Variants in RIMS4 observed in about 807,000 individuals in gnomAD.
RIMS4 encodes the protein regulating synaptic membrane exocytosis protein 4.
In RIMS4, 9 loss-of-function variants were observed where a neutral mutation model predicts 29.0. The ratio of observed to expected loss-of-function variants is 0.31; its 90% confidence interval spans 0.19 to 0.54. The LOEUF (loss-of-function observed/expected upper bound fraction) is 0.54, where lower values mean the gene tolerates loss of function less well. Among genes scored for constraint, RIMS4 ranks in the 20% least tolerant of loss-of-function variants. The pLI is 0.94. For synonymous variants in RIMS4, 130 were observed against 152.9 expected (o/e 0.85, Z 1.10); for missense variants, 193 against 365.7 (o/e 0.53, Z 3.85).
rs116628310 is a variant in RIMS4, at chr20:44,790,392, T to C, written c.98-18979A>G. On this transcript the variant is annotated intron_variant, in intron 1 of 5. Coordinates refer to ENST00000372851, the MANE Select transcript of RIMS4 (RefSeq NM_182970.4). ...CACCTGTGGTCCCATAGACCCCTCC[T>C]CCCAGGCTACCTCCTCCCCAGGCTC... 3.0e-3 allele frequency among the ~76,000 whole-genome samples: 450 copies of C among 152,270 alleles called. 1 individual carries two copies. The highest frequency in any genetic ancestry group is 0.01 in the African/African-American group (431 of 41,572).
Position 44,756,767 on chromosome 20 carries a change from G to A in RIMS4, c.591+131C>T, listed in dbSNP as rs1239676217. On this transcript the variant is annotated intron_variant, in intron 5 of 5. Transcript: ENST00000372851. This position sits in a 1 kb window ranked among gnomAD's most constrained non-coding sequence, Gnocchi z 5.9. ...GCTCAGTTCAGCCACAGTGAACTGA[G>A]GGCCTCGCCTGTTTCCTCCAGGCGA... The A allele has an allele frequency of 1.3e-6, 1 of 741,256 alleles. No individual in the cohort carries two copies. Among genetic ancestry groups the A allele is most frequent in the Non-Finnish European group, 2.1e-6 (1 of 467,424 alleles). The allele number at this position is 741,256 out of a possible 1,614,324, so 45.9% of individuals were successfully genotyped here. A position where few individuals can be genotyped will look rare whatever the true frequency, so the allele number is the denominator to read the frequency against.
chr20:44,769,608 A>G (rs2066127957), intron 2 of RIMS4, among the ~76,000 whole-genome samples: 1 of 152,210 alleles, frequency 6.6e-6, no homozygotes, highest in Admixed American at 6.5e-5. Flanking sequence ...CAGGTTAAAG[A>G]AAACACTGGC....
chr20:44,774,376 TG>T (rs1459532063), intron 1 of RIMS4, among the ~76,000 whole-genome samples: 2 of 152,142 alleles, frequency 1.3e-5, no homozygotes, highest in Admixed American at 6.5e-5. Context: ...GTCAGTGGAC[TG>T]GGAAAGGCAG....
Position 44,756,715 on chromosome 20 carries a change from G to C in RIMS4, c.591+183C>G, listed in dbSNP as rs1285297299. 1.3e-5 allele frequency among the ~76,000 whole-genome samples: 2 copies of C among 152,102 alleles called. No homozygotes were observed. Among genetic ancestry groups the C allele is most frequent in the Admixed American group, 1.3e-4 (2 of 15,280 alleles). The stretch of plus-strand genomic sequence containing the variant: ...GGAACTGAGGGTCAGAAGGGAACTT[G>C]TTCAAAGTTGTGCAGTAAGTTGTGG... On this transcript the variant is annotated intron_variant, in intron 5 of 5. Coordinates refer to ENST00000372851, the MANE Select transcript of RIMS4 (RefSeq NM_182970.4). The surrounding 1 kb of genome is among the most constrained non-coding windows in gnomAD (Gnocchi z 5.9).
intron 4 of RIMS4, among the ~76,000 whole-genome samples, chr20:44,757,279 C>T (rs1048253882): frequency 1.3e-5 from 2 of 152,048 alleles, no homozygotes; most frequent in South Asian, 2.1e-4. Flanking sequence ...CCTTTGCTCA[C>T]TCTGTGCTCA....
Position 44,755,287 on chromosome 20 carries a change from C to G in RIMS4, c.*847G>C, listed in dbSNP as rs1316186105. 1.3e-5 allele frequency: 2 copies of G among 152,446 alleles called. No homozygotes were observed. The highest frequency in any genetic ancestry group is 2.9e-5 in the Non-Finnish European group (2 of 68,064). The allele number at this position is 152,446 out of a possible 1,614,324, so 9.4% of individuals were successfully genotyped here. ...TCCCAATCCCAACTTTCCTTAGCCTCCCCCTCCAATACAGCACCCCCAAAT... is the reference window on the plus strand; with the variant it reads ...TCCCAATCCCAACTTTCCTTAGCCTGCCCCTCCAATACAGCACCCCCAAAT... On this transcript the variant is annotated 3_prime_UTR_variant, in exon 6 of 6. Coordinates refer to ENST00000372851, the MANE Select transcript of RIMS4 (RefSeq NM_182970.4).
At chr20:44,790,353 T>C (rs142315944) in intron 1 of RIMS4, among the ~76,000 whole-genome samples, 1 of 152,318 alleles carries the variant, frequency 6.6e-6, no homozygotes, top group East Asian at 1.9e-4. Flanking sequence ...GGCCAGGCAC[T>C]GTGCCAAGCA....
At chr20:44,767,396 A>G (rs1224758233) in intron 2 of RIMS4, among the ~76,000 whole-genome samples, 2 of 152,080 alleles carry the variant, frequency 1.3e-5, no homozygotes, top group South Asian at 2.1e-4. Context: ...CAGAGCTCCA[A>G]TTTCTGATCA....
At chr20:44,765,336 C>T (rs972591755) in intron 2 of RIMS4, among the ~76,000 whole-genome samples, 2 of 152,204 alleles carry the variant, frequency 1.3e-5, no homozygotes, top group Non-Finnish European at 2.9e-5. Flanking sequence ...GACTCCACCA[C>T]TCACTAGTCG....
chr20:44,765,140 A>G (rs989428161), intron 2 of RIMS4, among the ~76,000 whole-genome samples: 4 of 152,152 alleles, frequency 2.6e-5, no homozygotes, highest in African/African-American at 9.7e-5. Flanking sequence ...TTGAACCAAA[A>G]TCACTCTGCT....
intron 1 of RIMS4, among the ~76,000 whole-genome samples, chr20:44,785,530 C>T (rs141551789): frequency 5.6e-4 from 85 of 152,234 alleles, no homozygotes; most frequent in African/African-American, 1.9e-3. Flanking sequence ...GCCATTCTTT[C>T]GCATACACAA....
intron 1 of RIMS4, among the ~76,000 whole-genome samples, chr20:44,774,216 TGA>T (rs2066149840): frequency 6.6e-6 from 1 of 152,086 alleles, no homozygotes; most frequent in South Asian, 2.1e-4. Context: ...CCCACGTGGC[TGA>T]GATGTGTTCC....
chr20:44,785,589 A>C (rs1192928637), intron 1 of RIMS4, among the ~76,000 whole-genome samples: 1 of 152,134 alleles, frequency 6.6e-6, no homozygotes, highest in Non-Finnish European at 1.5e-5. Context: ...CAGGGGATAG[A>C]AAAAGAAAAA....
At chr20:44,778,952 TG>T (rs1005236917) in intron 1 of RIMS4, among the ~76,000 whole-genome samples, 34 of 152,236 alleles carry the variant, frequency 2.2e-4, no homozygotes, top group Non-Finnish European at 8.8e-5. Flanking sequence ...CTCAGTGGCC[TG>T]CCTGAGCTTC....
chr20:44,771,621 T>C (rs6094035), intron 1 of RIMS4, among the ~76,000 whole-genome samples: 41,943 of 152,158 alleles, frequency 0.28, 6,417 homozygotes, highest in East Asian at 0.48. Context: ...TGTTAAACGA[T>C]AGATTCATTT....
rs2066126786 is a variant in RIMS4 at position 44,769,282 on chromosome 20, T to C, written c.236+1993A>G. On this transcript the variant is annotated intron_variant, in intron 2 of 5. Coordinates refer to ENST00000372851, the MANE Select transcript of RIMS4 (RefSeq NM_182970.4). ...TAATGCTCCCCTTGGTCATGTGGCCTTTCTGAGCCTTCATCTCCTCTTCTA... is the reference window on the plus strand; with the variant it reads ...TAATGCTCCCCTTGGTCATGTGGCCCTTCTGAGCCTTCATCTCCTCTTCTA... Among the ~76,000 whole-genome samples, 3 of 152,180 alleles carry C rather than the reference T, an allele frequency of 2.0e-5. 1 individual carries two copies. In the South Asian group the frequency reaches 6.2e-4, roughly 32 times the overall value.
intron 1 of RIMS4, among the ~76,000 whole-genome samples, chr20:44,794,889 T>C (rs766098228): frequency 1.3e-5 from 2 of 152,224 alleles, no homozygotes; most frequent in Non-Finnish European, 2.9e-5. Context: ...CTTCACTCCT[T>C]GCCTGCGGCC....
intron 1 of RIMS4, among the ~76,000 whole-genome samples, chr20:44,789,296 TTTATTA>T (rs1463703249): frequency 6.6e-6 from 1 of 152,184 alleles, no homozygotes; most frequent in Non-Finnish European, 1.5e-5. Flanking sequence ...AGAATTTCTT[TTTATTA>T]TTATAATTTT....
rs879817731 is a variant in RIMS4 at position 44,756,380 on chromosome 20, A to T, written c.592-28T>A. ...GTGGGGCAAGAGACACAGTGGTTCAAATCCTGCCAGTGCCACTCACAGGCC... is the reference window on the plus strand; with the variant it reads ...GTGGGGCAAGAGACACAGTGGTTCATATCCTGCCAGTGCCACTCACAGGCC... On this transcript the variant is annotated intron_variant, in intron 5 of 5. Coordinates refer to ENST00000372851, the MANE Select transcript of RIMS4 (RefSeq NM_182970.4). This position sits in a 1 kb window ranked among gnomAD's most constrained non-coding sequence, Gnocchi z 5.9. The T allele has an allele frequency of 4.4e-6, 7 of 1,595,788 alleles. No homozygotes were observed. In the East Asian group the frequency reaches 1.6e-4, roughly 36 times the overall value.
Sources: allele counts gnomAD v4.1 joint callset (sites outside exome capture counted in the v4.1 genomes callset), GRCh38; gene constraint gnomAD v4.1.1; non-coding constraint Gnocchi (gnomAD v3.1); transcripts MANE v1.5; gene names NCBI Gene and HGNC (gene_info 2026-07-23, HGNC 2026-07-21).